The following EFNA5 variants were observed in gnomAD, a reference collection of about 807,000 sequenced individuals.
EFNA5 encodes ephrin A5.
Under a neutral mutation model 22.9 loss-of-function variants are expected in EFNA5, and 5 were observed. That is an observed-to-expected ratio of 0.22 (90% CI 0.11 to 0.46). The LOEUF is 0.46. Among genes scored for constraint, EFNA5 ranks in the 20% least tolerant of loss-of-function variants. The pLI is 0.99. For synonymous variants in EFNA5, 113 were observed against 112.2 expected, an observed-to-expected ratio of 1.01 and a Z score of -0.04; for missense variants, 237 against 293.3, an observed-to-expected ratio of 0.81 and a Z score of 1.40.
At chr5:107,539,827 T>C (rs1051846536) in intron 1 of EFNA5, among the ~76,000 whole-genome samples, 1 of 152,136 alleles carries the variant, frequency 6.6e-6, no homozygotes, top group East Asian at 1.9e-4. Flanking sequence ...GTTATTTAAC[T>C]CTATGGTTAA....
At chr5:107,433,101 T>C (rs1749006667) in intron 1 of EFNA5, among the ~76,000 whole-genome samples, 1 of 152,204 alleles carries the variant, frequency 6.6e-6, no homozygotes, top group South Asian at 2.1e-4. Context: ...AATTGTAGGC[T>C]ATTAGTAGCT....
At chr5:107,417,614 G>A (rs191875924) in intron 2 of EFNA5, among the ~76,000 whole-genome samples, 1 of 152,292 alleles carries the variant, frequency 6.6e-6, no homozygotes, top group Admixed American at 6.5e-5. Flanking sequence ...AAACTTGATA[G>A]CCACTATCAG....
At position 107,535,726 on chromosome 5, in the gene EFNA5, C is replaced by T. The variant is rs184985630; in HGVS notation, c.126-108217G>A. On this transcript the variant is annotated intron_variant, in intron 1 of 4. Coordinates refer to ENST00000333274, the MANE Select transcript of EFNA5 (RefSeq NM_001962.3). Reference sequence around the variant, plus strand: ...GTAGTGTCTGGTTCATTTTCTTACTCGATGACAGTTTTTTCTCGAGGTCGT... The same window carrying T: ...GTAGTGTCTGGTTCATTTTCTTACTTGATGACAGTTTTTTCTCGAGGTCGT... 3.0e-4 allele frequency among the ~76,000 whole-genome samples: 45 copies of T among 151,802 alleles called. 1 individual carries two copies. The Middle Eastern group carries it at 0.017, about 57-fold the overall frequency.
At chr5:107,399,293 A>AGAAGGAAG (rs200018465) in intron 2 of EFNA5, among the ~76,000 whole-genome samples, 1 of 136,224 alleles carries the variant, frequency 7.3e-6, no homozygotes, top group Non-Finnish European at 1.6e-5. Flanking sequence ...TCTCTACTAA[A>AGAAGGAAG]GAAGGAAGGA....
Position 107,532,493 on chromosome 5 carries a change from T to C in EFNA5, c.126-104984A>G, listed in dbSNP as rs534674486. On this transcript the variant is annotated intron_variant, in intron 1 of 4. Coordinates refer to ENST00000333274, the MANE Select transcript of EFNA5 (RefSeq NM_001962.3). ...GCAATCCCTCTAGGAATTAGCCGGG[T>C]TAAATGAGTAGTGGCAAGACAGATG... 2.6e-5 allele frequency among the ~76,000 whole-genome samples: 4 copies of C among 152,184 alleles called. No homozygotes were observed. The South Asian group carries it at 8.3e-4, about 32-fold the overall frequency.
intron 1 of EFNA5, among the ~76,000 whole-genome samples, chr5:107,564,487 G>A (rs1317194868): frequency 1.3e-5 from 2 of 152,118 alleles, no homozygotes; most frequent in Non-Finnish European, 2.9e-5. Context: ...TCTGTTATTA[G>A]GATGTAAAAG....
chr5:107,626,420 C>T (rs1186119834), intron 1 of EFNA5, among the ~76,000 whole-genome samples: 1 of 152,082 alleles, frequency 6.6e-6, no homozygotes, highest in Non-Finnish European at 1.5e-5. Context: ...ACTATAGGTA[C>T]ACACCACCAC....
Position 107,586,620 on chromosome 5 carries a change from C to T in EFNA5, c.125+83869G>A, listed in dbSNP as rs1471689812. On this transcript the variant is annotated intron_variant, in intron 1 of 4. Transcript: ENST00000333274. ...AATAATTATTATCTATTAATGCGTA[C>T]ATTTAAAATCCAAGGAGTGGTTTAA... 2.7e-4 allele frequency among the ~76,000 whole-genome samples: 41 copies of T among 152,150 alleles called. 1 individual carries two copies. The highest frequency in any genetic ancestry group is 2.9e-5 in the Non-Finnish European group (2 of 68,026).
chr5:107,561,553 A>T (rs1163546299), intron 1 of EFNA5, among the ~76,000 whole-genome samples: 1 of 152,026 alleles, frequency 6.6e-6, no homozygotes, highest in Non-Finnish European at 1.5e-5. Context: ...TATTTTTAGT[A>T]AAGATGGGGT....
chr5:107,638,724 T>A (rs879744151), intron 1 of EFNA5, among the ~76,000 whole-genome samples: 1 of 152,148 alleles, frequency 6.6e-6, no homozygotes, highest in African/African-American at 2.4e-5. Context: ...GACTTTGGTA[T>A]CCATAGAGTT....
chr5:107,664,087 A>C (rs1751021739), intron 1 of EFNA5, among the ~76,000 whole-genome samples: 1 of 152,178 alleles, frequency 6.6e-6, no homozygotes, highest in South Asian at 2.1e-4. Flanking sequence ...TATATGGTTT[A>C]CTGTTTGAAA....
chr5:107,528,119 GTT>G (rs1747735444), intron 1 of EFNA5, among the ~76,000 whole-genome samples: 1 of 152,162 alleles, frequency 6.6e-6, no homozygotes, highest in Non-Finnish European at 1.5e-5. Flanking sequence ...TATAGCAGGA[GTT>G]ACTCTTCAGC....
At position 107,653,063 on chromosome 5, in the gene EFNA5, G is replaced by T. The variant is rs74953855; in HGVS notation, c.125+17426C>A. On this transcript the variant is annotated intron_variant, in intron 1 of 4. Coordinates refer to ENST00000333274, the MANE Select transcript of EFNA5 (RefSeq NM_001962.3). ...CGACATGACAGCTGAAAGAGGGAAG[G>T]CTGACAGAGGCATCAGAACAGGTAC... Among the ~76,000 whole-genome samples the T allele has an allele frequency of 7.6e-3, 1,159 of 152,124 alleles. 21 individuals carry two copies. Among genetic ancestry groups the T allele is most frequent in the African/African-American group, 0.026 (1,070 of 41,516 alleles).
At chr5:107,454,493 G>A (rs548042889) in intron 1 of EFNA5, among the ~76,000 whole-genome samples, 1 of 152,010 alleles carries the variant, frequency 6.6e-6, no homozygotes, top group South Asian at 2.1e-4. Context: ...CAGTCTCTCA[G>A]TTTTGTGCAA....
At chr5:107,490,195 C>G (rs565211465) in intron 1 of EFNA5, among the ~76,000 whole-genome samples, 2 of 152,322 alleles carry the variant, frequency 1.3e-5, no homozygotes, top group African/African-American at 4.8e-5. Flanking sequence ...TTCTGTCTCA[C>G]TAGACTCAGA....
intron 1 of EFNA5, among the ~76,000 whole-genome samples, chr5:107,617,736 G>A (rs1039373240): frequency 6.6e-6 from 1 of 152,146 alleles, no homozygotes; most frequent in East Asian, 1.9e-4. Context: ...GCAGGATTTG[G>A]ACTGAAGTGC....
intron 1 of EFNA5, among the ~76,000 whole-genome samples, chr5:107,638,765 G>A (rs1230517248): frequency 6.6e-6 from 1 of 152,088 alleles, no homozygotes; most frequent in Non-Finnish European, 1.5e-5. Context: ...GATACCGAGG[G>A]ATGAATGTAC....
chr5:107,387,887 A>G (rs1298521827), intron 2 of EFNA5, 116 bp from the exon 3 acceptor site: 32 of 706,222 alleles, frequency 4.5e-5, no homozygotes, highest in Non-Finnish European at 7.0e-5. Context: ...AACAACAGGA[A>G]CTTTCTCTAA....
rs539957965 is a variant in EFNA5 at position 107,670,385 on chromosome 5, G to C, written c.125+104C>G. 1.3e-5 allele frequency: 18 copies of C among 1,382,814 alleles called. No homozygotes were observed. In the African/African-American group the frequency reaches 2.1e-4, roughly 16 times the overall value. 85.7% of individuals were successfully genotyped at this position (1,382,814 alleles called of 1,614,324 possible). A position where few individuals can be genotyped will look rare whatever the true frequency, so the allele number is the denominator to read the frequency against. ...GCGCCCGGGCGACGCAGGCTCCGAG[G>C]GTGCGCGCCGCCAGCGGTTGGTGCG... is the stretch of plus-strand genomic sequence containing the variant. On this transcript the variant is annotated intron_variant, in intron 1 of 4. Coordinates refer to ENST00000333274, the MANE Select transcript of EFNA5 (RefSeq NM_001962.3).
Sources: allele counts gnomAD v4.1 joint callset (sites outside exome capture counted in the v4.1 genomes callset), GRCh38; gene constraint gnomAD v4.1.1; transcripts MANE v1.5; gene names NCBI Gene and HGNC (gene_info 2026-07-23, HGNC 2026-07-21).